Variants in MEF2C observed in about 807,000 individuals in gnomAD.
MEF2C encodes the protein myocyte-specific enhancer factor 2C.
MEF2C carries 6 observed loss-of-function variants against 50.5 expected under a neutral mutation model. The ratio of observed to expected loss-of-function variants is 0.12; its 90% CI spans 0.07 to 0.23. The LOEUF is 0.23. Among genes scored for constraint, MEF2C ranks in the 10% least tolerant of loss-of-function variants. The probability of loss-of-function intolerance (pLI) is 1.00; values close to 1 mark genes in which losing one functional copy is unlikely to be tolerated. For missense variants in MEF2C, 276 were observed against 605.0 expected, an observed-to-expected ratio of 0.46 and a Z score of 5.70; for synonymous variants, 183 against 228.0, an observed-to-expected ratio of 0.80 and a Z score of 1.78.
chr5:88,859,478 G>A (rs1824722538), intron 1 of MEF2C, among the ~76,000 whole-genome samples: 1 of 152,166 alleles, frequency 6.6e-6, no homozygotes, highest in Non-Finnish European at 1.5e-5. Context: ...CAGCATGCAA[G>A]GAAAATCAAG....
At chr5:88,761,847 G>C (rs1306056933) in intron 3 of MEF2C, 1 of 153,962 alleles carries the variant, frequency 6.5e-6, no homozygotes, top group South Asian at 2.0e-4. Flanking sequence ...AAGGGTGTAA[G>C]AGAACACAGC....
chr5:88,845,984 T>G (rs149792721), intron 1 of MEF2C, among the ~76,000 whole-genome samples: 1,627 of 152,320 alleles, frequency 0.011, 15 homozygotes, highest in Non-Finnish European at 0.018. Context: ...TGATATGTAC[T>G]TTCAGCTTAT....
chr5:88,859,850 T>C (rs762302874), intron 1 of MEF2C, among the ~76,000 whole-genome samples: 2 of 152,220 alleles, frequency 1.3e-5, no homozygotes, highest in East Asian at 3.8e-4. Flanking sequence ...CAAAAATATA[T>C]TTTAGTTTAT....
At chr5:88,878,126 T>C (rs576466632) in intron 1 of MEF2C, 1 of 152,180 alleles carries the variant, frequency 6.6e-6, no homozygotes, top group African/African-American at 2.4e-5. Context: ...GATAGTCAAA[T>C]ATTGTTAATA....
At chr5:88,770,693 C>T (rs1782016999) in intron 3 of MEF2C, among the ~76,000 whole-genome samples, 1 of 152,190 alleles carries the variant, frequency 6.6e-6, no homozygotes, top group South Asian at 2.1e-4. Context: ...TCTTGACTCA[C>T]CTATCGTTAT....
chr5:88,778,880 T>C (rs758862281), intron 3 of MEF2C, among the ~76,000 whole-genome samples: 14 of 152,202 alleles, frequency 9.2e-5, no homozygotes, highest in Admixed American at 9.2e-4. Flanking sequence ...AAATCTGCAC[T>C]GTTGGTAGAA....
intron 1 of MEF2C, among the ~76,000 whole-genome samples, chr5:88,843,144 T>A (rs1817967891): frequency 6.6e-6 from 1 of 151,876 alleles, no homozygotes; most frequent in Non-Finnish European, 1.5e-5. Flanking sequence ...GTTTTTCCTA[T>A]CTCATTTTTG....
chr5:88,756,320 C>A (rs376307978), intron 4 of MEF2C, among the ~76,000 whole-genome samples: 2 of 152,160 alleles, frequency 1.3e-5, no homozygotes, highest in Admixed American at 1.3e-4. Context: ...ACCTTCCCCC[C>A]TTTTGGAGTC....
chr5:88,767,889 C>G (rs1780711694), intron 3 of MEF2C, among the ~76,000 whole-genome samples: 1 of 152,236 alleles, frequency 6.6e-6, no homozygotes, highest in African/African-American at 2.4e-5. Flanking sequence ...TATTGATACT[C>G]TAGTCTGGAT....
At chr5:88,808,208 A>T (rs1198496195) in intron 2 of MEF2C, among the ~76,000 whole-genome samples, 8 of 152,202 alleles carry the variant, frequency 5.3e-5, no homozygotes, top group African/African-American at 1.9e-4. Flanking sequence ...ATGAAAATGT[A>T]CCTGCATATT....
At chr5:88,773,389 C>T (rs139649051) in intron 3 of MEF2C, among the ~76,000 whole-genome samples, 2 of 152,240 alleles carry the variant, frequency 1.3e-5, no homozygotes, top group East Asian at 1.9e-4. Context: ...CCCCCATCCT[C>T]GTACATAAAC....
At chr5:88,869,575 T>C (rs1043299268) in intron 1 of MEF2C, among the ~76,000 whole-genome samples, 7 of 151,298 alleles carry the variant, frequency 4.6e-5, no homozygotes, top group African/African-American at 1.7e-4. Flanking sequence ...GCATATGCAG[T>C]CCCTACTTAC....
intron 1 of MEF2C, chr5:88,888,297 C>T (rs1003505275): frequency 6.6e-6 from 1 of 152,210 alleles, no homozygotes; most frequent in Non-Finnish European, 1.5e-5. Flanking sequence ...CAGACTGAGG[C>T]TAGTCCCAGA....
chr5:88,765,757 C>T (rs759522354), intron 3 of MEF2C, among the ~76,000 whole-genome samples: 4 of 152,170 alleles, frequency 2.6e-5, no homozygotes, highest in Non-Finnish European at 4.4e-5. Context: ...TGACTGACTA[C>T]GTTTTGAAAA....
chr5:88,727,337 A>G (rs1204132765), intron 10 of MEF2C, among the ~76,000 whole-genome samples: 1 of 152,220 alleles, frequency 6.6e-6, no homozygotes, highest in Non-Finnish European at 1.5e-5. Flanking sequence ...ATTTTCAATG[A>G]CAGTGATTAG....
At chr5:88,779,760 G>GTTTTTTTTTT (rs70996493) in intron 3 of MEF2C, among the ~76,000 whole-genome samples, 2 of 147,158 alleles carry the variant, frequency 1.4e-5, no homozygotes, top group Non-Finnish European at 1.5e-5. Flanking sequence ...GCAAAGTGAG[G>GTTTTTTTTTT]TTTTTTTTTT....
Position 88,733,638 on chromosome 5 carries a change from T to G in MEF2C, c.638-1737A>C, listed in dbSNP as rs911365499. 12 of 985,260 alleles carry G rather than the reference T, an allele frequency of 1.2e-5. No homozygotes were observed. The African/African-American group carries it at 2.1e-4, about 17-fold the overall frequency. The allele number at this position is 985,260 out of a possible 1,614,324, so 61.0% of individuals were successfully genotyped here. On this transcript the variant is annotated intron_variant, in intron 6 of 10. Coordinates refer to ENST00000504921, the MANE Select transcript of MEF2C (RefSeq NM_002397.5). ...AGCAAAATATATTTGAGGCACACTGTATAAAGCAGATTTGTTCTTCATATC... is the reference window on the plus strand; with the variant it reads ...AGCAAAATATATTTGAGGCACACTGGATAAAGCAGATTTGTTCTTCATATC...
chr5:88,895,997 G>A (rs1381545732), intron 1 of MEF2C, among the ~76,000 whole-genome samples: 1 of 152,074 alleles, frequency 6.6e-6, no homozygotes. Context: ...TTGGTCAGGT[G>A]GTGTTTTAGG....
chr5:88,756,192 ATGTT>A (rs1222808752), intron 4 of MEF2C, among the ~76,000 whole-genome samples: 1 of 152,208 alleles, frequency 6.6e-6, no homozygotes, highest in Non-Finnish European at 1.5e-5. Flanking sequence ...ATACATGTGC[ATGTT>A]TGTTACATGG....
Sources: gnomAD v4.1 joint callset for allele counts (sites outside exome capture counted in the v4.1 genomes callset) on GRCh38, gnomAD v4.1.1 for gene constraint, MANE v1.5 for transcripts, NCBI Gene and HGNC (gene_info 2026-07-23, HGNC 2026-07-21) for gene names.